ZBTB17: variants seen among roughly 807,000 people sequenced by gnomAD.
The protein encoded by ZBTB17 is zinc finger and BTB domain containing 17.
In ZBTB17, 24 loss-of-function variants were observed where a neutral mutation model predicts 85.1. That is an observed-to-expected ratio of 0.28 (90% confidence interval 0.20 to 0.40). The LOEUF is 0.40. Ranked by LOEUF, ZBTB17 falls within the 10% of genes least tolerant of loss-of-function variation. The pLI is 1.00. For missense variants in ZBTB17, 743 were observed against 1,105.1 expected, an observed-to-expected ratio of 0.67 and a Z score of 4.65; for synonymous variants, 464 against 460.2, an observed-to-expected ratio of 1.01 and a Z score of -0.11.
Position 15,944,406 on chromosome 1 carries a change from T to G in ZBTB17, c.1265A>C (p.Tyr422Ser), listed in dbSNP as rs1284187572. The G allele has an allele frequency of 3.8e-6, 6 of 1,564,598 alleles. No homozygotes were observed. Among genetic ancestry groups the G allele is most frequent in the Non-Finnish European group, 5.2e-6 (6 of 1,155,114 alleles). Residue 422 changes from tyrosine to serine, a missense_variant, in exon 9 of 16, where the codon TAC becomes TCC. Physicochemically the swap from Tyr to Ser is moderately radical, Grantham distance 144 (BLOSUM62 -2). This residue lies in a region of ZBTB17 where 321 missense variants were observed against 615.7 expected (regional missense o/e 0.52). Transcript: ENST00000375743. ...GGGGTCGGAGAAGGAGCGGCCGCAG[T>G]AGTCGCACTGGTAGGGCTTCTCGCC... ...HSGEKPYQCD[Y>S]CGRSFSDPTS...
chr1:15,958,898 C>T (rs1350588371), intron 2 of ZBTB17, among the ~76,000 whole-genome samples: 2 of 152,130 alleles, frequency 1.3e-5, no homozygotes, highest in African/African-American at 2.4e-5. Flanking sequence ...CAGGCTGGGG[C>T]TAGGCACTTG....
chr1:15,971,413 CACACTA>C lies in ZBTB17; in HGVS notation c.-3+1620_-3+1625del, dbSNP rs1355136860. On this transcript the variant is annotated intron_variant, in intron 2 of 15. Transcript: ENST00000375743. ...TATATACACACTATATATATACACA[CACACTA>C]TATATATATACACACACACTATATA... 2.0e-4 allele frequency among the ~76,000 whole-genome samples: 28 copies of C among 138,492 alleles called. 1 individual carries two copies. The East Asian group carries it at 3.2e-3, about 16-fold the overall frequency. The allele number at this position is 138,492 out of a possible 152,430, so 90.9% of individuals were successfully genotyped here. A position where few individuals can be genotyped will look rare whatever the true frequency, so the allele number is the denominator to read the frequency against.
rs974174822 is a variant in ZBTB17, at chr1:15,971,606, T to A, written c.-3+1433A>T. Among the ~76,000 whole-genome samples, 4 of 147,766 alleles carry A rather than the reference T, an allele frequency of 2.7e-5. No individual in the cohort carries two copies. The Admixed American group carries it at 2.7e-4, about 10-fold the overall frequency. On this transcript the variant is annotated intron_variant, in intron 2 of 15. Coordinates refer to ENST00000375743, the MANE Select transcript of ZBTB17 (RefSeq NM_003443.3). ...ACACACACACTATATATATACACTA[T>A]ATATATAAAATATATATTTTGCTGA...
At position 15,945,819 on chromosome 1, in the gene ZBTB17, G is replaced by C. The variant is rs1292760233; in HGVS notation, c.557C>G (p.Ala186Gly). ...AGGCGGCGGCTCCCGGGGCGCATCG[G>C]CTTTCTCTGTCTGCTCTGCACCTGG... ...AASGAEQTEK[A>G]DAPREPPPVE... is the part of the protein sequence containing the mutation. The change falls in exon 6 of 16, where the codon GCC (alanine) becomes GGC (glycine). Residue 186 changes from alanine to glycine, a missense_variant. Ala to Gly is a moderately conservative substitution (Grantham distance 60, BLOSUM62 0). This residue lies in a region of ZBTB17 where 279 missense variants were observed against 269.9 expected (regional missense o/e 1.03). Transcript: ENST00000375743. The C allele has an allele frequency of 4.4e-6, 7 of 1,600,502 alleles. No individual in the cohort carries two copies. The highest frequency in any genetic ancestry group is 2.2e-5 in the East Asian group (1 of 44,818).
At chr1:15,945,302 C>A (rs1448655324) in intron 6 of ZBTB17, 100 bp from the exon 7 acceptor site, 2 of 1,480,744 alleles carry the variant, frequency 1.4e-6, no homozygotes, top group African/African-American at 1.4e-5. Context: ...ATGGCCCCAG[C>A]ACTGGCCAAG....
chr1:15,942,751 G>T lies in ZBTB17; in HGVS notation c.1829-13C>A, dbSNP rs1248494598. 6.2e-7 allele frequency: 1 copy of T among 1,612,588 alleles called. No individual in the cohort carries two copies. Among genetic ancestry groups the T allele is most frequent in the East Asian group, 2.2e-5 (1 of 44,882 alleles). On this transcript the variant is annotated splice_polypyrimidine_tract_variant and intron_variant, in intron 13 of 15. Transcript: ENST00000375743. ...TAAGGCTTCTCTCCTGGGGGAGCAA[G>T]GTTCTCTCTTGCCTTTGTGGGAAGG...
intron 2 of ZBTB17, among the ~76,000 whole-genome samples, chr1:15,957,006 C>T (rs180801571): frequency 2.0e-5 from 3 of 151,886 alleles, no homozygotes; most frequent in Non-Finnish European, 4.4e-5. Context: ...TAGTGAAACC[C>T]CATCTCTACT....
intron 2 of ZBTB17, among the ~76,000 whole-genome samples, chr1:15,959,524 GGAGGGAGGAAGGGAGGGAGGA>G (rs1273161877): frequency 2.8e-4 from 36 of 128,764 alleles, no homozygotes; most frequent in African/African-American, 1.2e-3. Context: ...AGGGAGGGAG[GGAGGGAGGAAGGGAGGGAGGA>G]GAGGGAGGGA....
Position 15,956,992 on chromosome 1 carries a change from G to A in ZBTB17, c.-2-8495C>T, listed in dbSNP as rs1056610820. Among the ~76,000 whole-genome samples the A allele has an allele frequency of 4.6e-5, 7 of 152,016 alleles. No individual in the cohort carries two copies. The East Asian group carries it at 5.8e-4, about 13-fold the overall frequency. Reference sequence around the variant, plus strand: ...TCAGGAGTTCAAGACCAGCCTGGCCGACATAGTGAAACCCCATCTCTACTA... The same window carrying A: ...TCAGGAGTTCAAGACCAGCCTGGCCAACATAGTGAAACCCCATCTCTACTA... On this transcript the variant is annotated intron_variant, in intron 2 of 15. Coordinates refer to ENST00000375743, the MANE Select transcript of ZBTB17 (RefSeq NM_003443.3).
Position 15,946,190 on chromosome 1 carries a change from C to T in ZBTB17, c.499G>A (p.Glu167Lys). ...CTCTGGGCCTGACCGCCGCGCTCCT[C>T]CTTGAGGTCCCTGCTGGGGCCTATG... ...TPIGPSRDLK[E>K]ERGGQAQSAA... Residue 167 changes from glutamate (E) to lysine (K), a missense_variant, in exon 5 of 16, where the codon GAG becomes AAG. Coordinates refer to ENST00000375743, the MANE Select transcript of ZBTB17 (RefSeq NM_003443.3). 2 of 1,611,954 alleles carry T rather than the reference C, an allele frequency of 1.2e-6. No homozygotes were observed. The highest frequency in any genetic ancestry group is 1.7e-6 in the Non-Finnish European group (2 of 1,180,012).
intron 5 of ZBTB17, 124 bp downstream of exon 5, chr1:15,946,030 G>A: frequency 6.4e-6 from 10 of 1,558,122 alleles, no homozygotes; most frequent in Non-Finnish European, 8.7e-6. Context: ...GGTCATTCTG[G>A]GTAACACAGG....
chr1:15,967,515 C>T (rs1370953153), intron 2 of ZBTB17, among the ~76,000 whole-genome samples: 1 of 149,248 alleles, frequency 6.7e-6, no homozygotes, highest in Admixed American at 6.6e-5. Context: ...TCTGTCTCTA[C>T]CAAAAAAAAA....
At chr1:15,949,918 A>C (rs2071768783) in intron 2 of ZBTB17, among the ~76,000 whole-genome samples, 1 of 152,230 alleles carries the variant, frequency 6.6e-6, no homozygotes, top group Non-Finnish European at 1.5e-5. Context: ...GGCAGTGGCA[A>C]CAGGCATGAG....
At chr1:15,975,297 T>C (rs1329674500) in intron 1 of ZBTB17, among the ~76,000 whole-genome samples, 1 of 152,144 alleles carries the variant, frequency 6.6e-6, no homozygotes, top group Non-Finnish European at 1.5e-5. Context: ...GCTTAAAGGA[T>C]GAATAAACCC....
chr1:15,943,932 G>A (rs1335603306), intron 9 of ZBTB17, 37 bp from the exon 10 acceptor site: 3 of 1,552,358 alleles, frequency 1.9e-6, no homozygotes, highest in South Asian at 2.4e-5. Flanking sequence ...CCACCCCACA[G>A]AGCTCGGCCC....
chr1:15,958,532 T>C (rs1557787913), intron 2 of ZBTB17, among the ~76,000 whole-genome samples: 1 of 151,806 alleles, frequency 6.6e-6, no homozygotes, highest in South Asian at 2.1e-4. Context: ...AATTTCAATA[T>C]AGAGGGATTC....
rs1008569975 is a variant in ZBTB17, at chr1:15,961,640, G to A, written c.-3+11399C>T. ...CCCAGGGCTCGCCCTTCAACAAACA[G>A]CGCTGCTGACCTCCAGCCCCTCAAA... On this transcript the variant is annotated intron_variant, in intron 2 of 15. Coordinates refer to ENST00000375743, the MANE Select transcript of ZBTB17 (RefSeq NM_003443.3). Among the ~76,000 whole-genome samples the A allele has an allele frequency of 3.3e-5, 5 of 152,230 alleles. 1 individual carries two copies. The East Asian group carries it at 9.6e-4, about 29-fold the overall frequency.
intron 1 of ZBTB17, among the ~76,000 whole-genome samples, chr1:15,975,583 C>G (rs2072840757): frequency 6.6e-6 from 1 of 152,234 alleles, no homozygotes; most frequent in South Asian, 2.1e-4. Context: ...CCCTCCCGCC[C>G]CGGCCGGCCG....
At chr1:15,955,855 T>C (rs2072027524) in intron 2 of ZBTB17, among the ~76,000 whole-genome samples, 1 of 152,152 alleles carries the variant, frequency 6.6e-6, no homozygotes, top group African/African-American at 2.4e-5. Context: ...CCAGCCTAGG[T>C]GACAGAGGGA....
Sources: allele counts gnomAD v4.1 joint callset (sites outside exome capture counted in the v4.1 genomes callset), GRCh38; gene constraint gnomAD v4.1.1; regional missense constraint gnomAD v4.1.1; transcripts MANE v1.5; gene names NCBI Gene and HGNC (gene_info 2026-07-23, HGNC 2026-07-21).